The following MAP3K1 variants were observed in gnomAD, a reference collection of about 807,000 sequenced individuals.
MAP3K1 encodes MAP/ERK kinase kinase 1.
Under a neutral mutation model 144.2 loss-of-function variants are expected in MAP3K1, and 36 were observed. The ratio of observed to expected loss-of-function variants is 0.25; its 90% CI spans 0.19 to 0.33. The LOEUF is 0.33. Among genes scored for constraint, MAP3K1 ranks in the 10% least tolerant of loss-of-function variants. The pLI is 1.00. For synonymous variants in MAP3K1, 718 were observed against 688.7 expected (o/e 1.04, Z -0.67); for missense variants, 1,650 against 1,881.9 (o/e 0.88, Z 2.28).
At chr5:56,853,214 A>G (rs116408325) in intron 1 of MAP3K1, among the ~76,000 whole-genome samples, 2,992 of 152,322 alleles carry the variant, frequency 0.02, 121 homozygotes, top group African/African-American at 0.066. Context: ...AGAGGCATTC[A>G]TATTTCAGAT....
At chr5:56,850,162 G>C (rs541699130) in intron 1 of MAP3K1, among the ~76,000 whole-genome samples, 28 of 152,214 alleles carry the variant, frequency 1.8e-4, no homozygotes, top group African/African-American at 6.5e-4. Flanking sequence ...GGATTGTTTT[G>C]GAAGGTCGTT....
chr5:56,851,691 C>G (rs1276712890), intron 1 of MAP3K1, among the ~76,000 whole-genome samples: 1 of 152,216 alleles, frequency 6.6e-6, no homozygotes, highest in African/African-American at 2.4e-5. Context: ...AGAGAGCTGA[C>G]TCAGGCGTAC....
chr5:56,828,615 TAGG>T, intron 1 of MAP3K1, among the ~76,000 whole-genome samples: 3 of 152,336 alleles, frequency 2.0e-5, no homozygotes, highest in Non-Finnish European at 4.4e-5. Context: ...TAATAACTGC[TAGG>T]AGAATATTAT....
chr5:56,876,964 C>G (rs752098682), intron 10 of MAP3K1, among the ~76,000 whole-genome samples: 1 of 152,086 alleles, frequency 6.6e-6, no homozygotes, highest in African/African-American at 2.4e-5. Context: ...GAAAGAATCC[C>G]GTATTCAGTT....
intron 1 of MAP3K1, among the ~76,000 whole-genome samples, chr5:56,855,085 C>G (rs1747297016): frequency 6.6e-6 from 1 of 151,992 alleles, no homozygotes; most frequent in African/African-American, 2.4e-5. Context: ...TGTTCTTCAC[C>G]CCTACCTCTC....
chr5:56,848,218 A>G (rs1470014636), intron 1 of MAP3K1, among the ~76,000 whole-genome samples: 1 of 152,170 alleles, frequency 6.6e-6, no homozygotes, highest in African/African-American at 2.4e-5. Context: ...GATTGTTACA[A>G]ATTTACTAAT....
In MAP3K1 at chr5:56,893,957, T is replaced by G. The variant is rs558849351; in HGVS notation, c.*277T>G. On this transcript the variant is annotated 3_prime_UTR_variant, in exon 20 of 20. Transcript: ENST00000399503. ...AACAATGAAGTTTGCATGACTAAAT[T>G]GCAGAAGCATAATTTTATTTTTTTG... 116 of 472,788 alleles carry G rather than the reference T, an allele frequency of 2.5e-4. No homozygotes were observed. The highest frequency in any genetic ancestry group is 4.1e-4 in the South Asian group (16 of 38,702). 29.3% of individuals were successfully genotyped at this position (472,788 alleles called of 1,614,324 possible). A position where few individuals can be genotyped will look rare whatever the true frequency, so the allele number is the denominator to read the frequency against.
In MAP3K1 at chr5:56,865,958, A is replaced by G. The variant is rs755573286; in HGVS notation, c.1282A>G (p.Thr428Ala). Reference protein sequence around the residue: ...SHTLSSSSTSTSSSENSIKDE... With the variant: ...SHTLSSSSTSASSSENSIKDE... ...TACATTGTCATCATCTAGTACTTCT[A>G]CGTCTAGTTCAGAAAACAGGTTAGT... is the stretch of plus-strand genomic sequence containing the variant. Residue 428 changes from threonine to alanine, a missense_variant, in exon 6 of 20, where the codon ACG becomes GCG. By Grantham distance (58) the Thr-to-Ala change is moderately conservative. Coordinates refer to ENST00000399503, the MANE Select transcript of MAP3K1 (RefSeq NM_005921.2). 2 of 1,611,906 alleles carry G rather than the reference A, an allele frequency of 1.2e-6. No homozygotes were observed. Among genetic ancestry groups the G allele is most frequent in the South Asian group, 2.2e-5 (2 of 91,040 alleles).
chr5:56,883,725 A>G (rs1156368404), intron 15 of MAP3K1, 46 bp downstream of exon 15: 2 of 1,587,784 alleles, frequency 1.3e-6, no homozygotes, highest in East Asian at 4.5e-5. Flanking sequence ...AAATCACAAA[A>G]TGAAGCATGT....
chr5:56,867,695 G>GA (rs570289752), intron 6 of MAP3K1, among the ~76,000 whole-genome samples: 65 of 152,130 alleles, frequency 4.3e-4, no homozygotes, highest in South Asian at 3.5e-3. Context: ...GCCTTTTGAA[G>GA]AAAAAAGGAA....
intron 1 of MAP3K1, among the ~76,000 whole-genome samples, chr5:56,827,098 G>A (rs1208391816): frequency 6.6e-6 from 1 of 152,224 alleles, no homozygotes; most frequent in Non-Finnish European, 1.5e-5. Context: ...AGAACACACA[G>A]GCCCAGAAAT....
At chr5:56,866,756 TA>T (rs1166157578) in intron 6 of MAP3K1, among the ~76,000 whole-genome samples, 3 of 152,176 alleles carry the variant, frequency 2.0e-5, no homozygotes, top group African/African-American at 7.2e-5. Context: ...GACAGGGTCG[TA>T]ACAAGGGTGC....
At chr5:56,825,936 C>G (rs1165602433) in intron 1 of MAP3K1, among the ~76,000 whole-genome samples, 1 of 151,912 alleles carries the variant, frequency 6.6e-6, no homozygotes, top group Non-Finnish European at 1.5e-5. Context: ...CAGCATCGTG[C>G]TCAGTTTTAG....
intron 3 of MAP3K1, among the ~76,000 whole-genome samples, chr5:56,862,918 C>A (rs527733397): frequency 1.3e-5 from 2 of 152,082 alleles, no homozygotes; most frequent in Non-Finnish European, 2.9e-5. Flanking sequence ...TTATTACGGT[C>A]GGTTTTTAAA....
At chr5:56,874,985 C>T in intron 9 of MAP3K1, 47 bp from the exon 10 acceptor site, 1 of 1,596,538 alleles carries the variant, frequency 6.3e-7, no homozygotes, top group African/African-American at 1.3e-5. Context: ...TGCTCTGGGT[C>T]CATAAGCTTT....
chr5:56,817,614 C>T (rs1212892522), intron 1 of MAP3K1, among the ~76,000 whole-genome samples: 2 of 152,268 alleles, frequency 1.3e-5, no homozygotes, highest in African/African-American at 4.8e-5. Context: ...GAGTTATGTA[C>T]CTCTATAGTT....
rs779422703 is a variant in MAP3K1, at chr5:56,882,472, G to A, written c.3272G>A (p.Cys1091Tyr). The A allele has an allele frequency of 6.2e-6, 10 of 1,614,182 alleles. No individual in the cohort carries two copies. Among genetic ancestry groups the A allele is most frequent in the Non-Finnish European group, 7.6e-6 (9 of 1,180,032 alleles). ...MTLDLNSSSK[C>Y]DDSFGCSSNS... ...CTTGATCTGAACAGTAGTTCCAAAT[G>A]TGATGACAGCTTTGGCTGTAGCAGC... Residue 1091 changes from cysteine to tyrosine, a missense_variant, in exon 14 of 20, where the codon TGT (cysteine) becomes TAT (tyrosine). By Grantham distance (194) the Cys-to-Tyr change is radical. Around this residue, in one of 6 missense-constraint regions of MAP3K1, gnomAD observed 841 missense variants for 886.5 expected, o/e 0.95. Coordinates refer to ENST00000399503, the MANE Select transcript of MAP3K1 (RefSeq NM_005921.2).
At chr5:56,888,092 A>T in intron 18 of MAP3K1, 134 bp from the exon 19 acceptor site, 1 of 740,200 alleles carries the variant, frequency 1.4e-6, no homozygotes, top group Non-Finnish European at 2.3e-6. Flanking sequence ...AATAAATTAG[A>T]TATTAGGTAG....
intron 1 of MAP3K1, among the ~76,000 whole-genome samples, chr5:56,846,100 G>A (rs76969916): frequency 0.032 from 4,905 of 152,218 alleles, 253 homozygotes; most frequent in African/African-American, 0.11. Context: ...CATTTGTTTT[G>A]TTGTCTTAAA....
Sources: allele counts gnomAD v4.1 joint callset (sites outside exome capture counted in the v4.1 genomes callset), GRCh38; gene constraint gnomAD v4.1.1; regional missense constraint gnomAD v4.1.1; transcripts MANE v1.5; gene names NCBI Gene and HGNC (gene_info 2026-07-23, HGNC 2026-07-21).